UBR1: variants seen among roughly 807,000 people sequenced by gnomAD.
UBR1 encodes the protein ubiquitin protein ligase E3 component n-recognin 1.
UBR1 carries 102 observed loss-of-function variants against 242.1 expected under a neutral mutation model. The observed-to-expected ratio is 0.42, with a 90% CI of 0.36 to 0.50. The LOEUF (loss-of-function observed/expected upper bound fraction) is 0.50. UBR1 is among the 20% of genes least tolerant of loss of function. The pLI, the probability that UBR1 is intolerant of heterozygous loss-of-function variation, is 0.01. For missense variants in UBR1, 1,772 were observed against 2,101.8 expected, an observed-to-expected ratio of 0.84 and a Z score of 3.07; for synonymous variants, 675 against 684.8, an observed-to-expected ratio of 0.99 and a Z score of 0.22.
intron 6 of UBR1, among the ~76,000 whole-genome samples, chr15:43,061,534 TATACAC>T (rs2033685393): frequency 6.7e-6 from 1 of 150,072 alleles, no homozygotes; most frequent in African/African-American, 2.5e-5. Context: ...CACACACACA[TATACAC>T]ATACACATAC....
At chr15:42,953,939 G>A (rs897747199) in intron 44 of UBR1, among the ~76,000 whole-genome samples, 1 of 148,638 alleles carries the variant, frequency 6.7e-6, no homozygotes, top group Non-Finnish European at 1.5e-5. Flanking sequence ...CTGAAGTCCA[G>A]TGTCACAGTC....
At chr15:43,011,137 G>A (rs1422456252) in intron 29 of UBR1, among the ~76,000 whole-genome samples, 1 of 150,982 alleles carries the variant, frequency 6.6e-6, no homozygotes, top group Non-Finnish European at 1.5e-5. Context: ...TGCCTGTGAA[G>A]AGCCACTGCA....
chr15:43,050,554 T>A (rs1277744377), intron 12 of UBR1, among the ~76,000 whole-genome samples: 1 of 151,718 alleles, frequency 6.6e-6, no homozygotes. Context: ...CACTAAAATA[T>A]CTCCACTAAA....
At chr15:43,094,019 C>T (rs1046557986) in intron 1 of UBR1, among the ~76,000 whole-genome samples, 2 of 152,094 alleles carry the variant, frequency 1.3e-5, no homozygotes, top group African/African-American at 2.4e-5. Context: ...GCCCTAAAGA[C>T]ATGGTATCCT....
intron 2 of UBR1, among the ~76,000 whole-genome samples, chr15:43,085,652 G>C (rs1232588698): frequency 6.6e-6 from 1 of 152,176 alleles, no homozygotes; most frequent in African/African-American, 2.4e-5. Flanking sequence ...GTGAGGCTGA[G>C]GCATGTGGAT....
intron 30 of UBR1, among the ~76,000 whole-genome samples, chr15:43,006,858 T>G (rs192851365): frequency 6.6e-6 from 1 of 151,570 alleles, no homozygotes; most frequent in Non-Finnish European, 1.5e-5. Context: ...GGATCCTAAG[T>G]GAAAAAAAAA....
chr15:43,105,908 G>C (rs772172046), intron 1 of UBR1, 34 bp downstream of exon 1: 23 of 1,602,102 alleles, frequency 1.4e-5, no homozygotes, highest in East Asian at 2.2e-5. Flanking sequence ...GGGACCGGGG[G>C]GAGGACAAAA....
At chr15:42,964,575 T>C (rs2032075523) in intron 41 of UBR1, among the ~76,000 whole-genome samples, 1 of 152,196 alleles carries the variant, frequency 6.6e-6, no homozygotes, top group Non-Finnish European at 1.5e-5. Flanking sequence ...CCTGATCGGA[T>C]GGCTCTAATG....
chr15:43,082,347 A>C (rs907178541), intron 3 of UBR1, among the ~76,000 whole-genome samples: 1 of 152,198 alleles, frequency 6.6e-6, no homozygotes, highest in Non-Finnish European at 1.5e-5. Context: ...AAAGAGCTCA[A>C]AATTTTGTTT....
At chr15:42,990,008 T>G (rs1424498570) in intron 34 of UBR1, 22 bp downstream of exon 34, 1 of 1,558,936 alleles carries the variant, frequency 6.4e-7, no homozygotes, top group Non-Finnish European at 8.8e-7. Flanking sequence ...TACAAAGTTC[T>G]CTTAACTATT....
chr15:43,048,639 T>A lies in UBR1; in HGVS notation c.1440-148A>T, dbSNP rs377756859. On this transcript the variant is annotated intron_variant, in intron 12 of 46. Coordinates refer to ENST00000290650, the MANE Select transcript of UBR1 (RefSeq NM_174916.3). ...GAAGCTCTGAGTAGAGCTAGAATTATTTATTCTGCCTTATTTTAAATACAA... is the reference window on the plus strand; with the variant it reads ...GAAGCTCTGAGTAGAGCTAGAATTAATTATTCTGCCTTATTTTAAATACAA... 7.3e-4 allele frequency: 487 copies of A among 668,716 alleles called. 5 individuals are homozygous for A. In the African/African-American group the frequency reaches 8.1e-3, roughly 11 times the overall value. 41.4% of individuals were successfully genotyped at this position (668,716 alleles called of 1,614,324 possible). A position where few individuals can be genotyped will look rare whatever the true frequency, so the allele number is the denominator to read the frequency against.
intron 35 of UBR1, 44 bp from the exon 36 acceptor site, chr15:42,984,986 G>T: frequency 1.5e-6 from 2 of 1,367,728 alleles, no homozygotes; most frequent in Non-Finnish European, 2.1e-6. Flanking sequence ...CCTGAATAGT[G>T]CTATAATCAT....
In UBR1 at chr15:43,070,939, G is replaced by A. The variant is rs965055566; in HGVS notation, c.529-14C>T. ...ACAGCGTGAATTCTATAAAAAAGCC[G>A]AGAAAAACATACTAGTCAAGATTGT... On this transcript the variant is annotated splice_polypyrimidine_tract_variant and intron_variant, in intron 4 of 46. Transcript: ENST00000290650. 2.1e-5 allele frequency: 34 copies of A among 1,611,888 alleles called. No individual in the cohort carries two copies. The highest frequency in any genetic ancestry group is 1.1e-4 in the South Asian group (10 of 91,060).
At position 42,946,421 on chromosome 15, in the gene UBR1, C is replaced by T. The variant is rs115996556; in HGVS notation, c.5109-951G>A. Among the ~76,000 whole-genome samples the T allele has an allele frequency of 8.6e-3, 1,304 of 152,274 alleles. 21 individuals are homozygous for T. Among genetic ancestry groups the T allele is most frequent in the African/African-American group, 0.03 (1,249 of 41,562 alleles). On this transcript the variant is annotated intron_variant, in intron 46 of 46. Coordinates refer to ENST00000290650, the MANE Select transcript of UBR1 (RefSeq NM_174916.3). Reference sequence around the variant, plus strand: ...GATTACAGGCGTGAACCACCGCGGCCGCCTGGTTGGGGATTTTTAAACTGC... The same window carrying T: ...GATTACAGGCGTGAACCACCGCGGCTGCCTGGTTGGGGATTTTTAAACTGC...
In UBR1 at chr15:42,945,170, G is replaced by T; in HGVS notation, c.*159C>A. ...TGAAGCATATGTTTGCTAATTGAAA[G>T]CAATACTCCATTAAGAAATATTTTA... On this transcript the variant is annotated 3_prime_UTR_variant, in exon 47 of 47. Transcript: ENST00000290650. 1.1e-6 allele frequency: 1 copy of T among 936,268 alleles called. No individual in the cohort carries two copies. The highest frequency in any genetic ancestry group is 1.6e-6 in the Non-Finnish European group (1 of 609,414). 58.0% of individuals were successfully genotyped at this position (936,268 alleles called of 1,614,324 possible). A position where few individuals can be genotyped will look rare whatever the true frequency, so the allele number is the denominator to read the frequency against.
chr15:42,976,691 A>C (rs775349476), intron 39 of UBR1, 26 bp downstream of exon 39: 1 of 1,613,736 alleles, frequency 6.2e-7, no homozygotes, highest in South Asian at 1.1e-5. Context: ...TGTTATTCAC[A>C]GTCAACACCC....
intron 44 of UBR1, 68 bp from the exon 45 acceptor site, chr15:42,952,516 C>T (rs2031851855): frequency 1.2e-5 from 18 of 1,550,902 alleles, no homozygotes; most frequent in Non-Finnish European, 1.6e-5. Context: ...TACCATATAT[C>T]CTGTTAGCAA....
At chr15:43,051,150 T>C (rs897063207) in intron 12 of UBR1, among the ~76,000 whole-genome samples, 1 of 152,160 alleles carries the variant, frequency 6.6e-6, no homozygotes, top group African/African-American at 2.4e-5. Flanking sequence ...GCATTCACAA[T>C]AGCAAAGGCA....
chr15:43,010,035 C>T (rs1401541727), intron 29 of UBR1, among the ~76,000 whole-genome samples: 2 of 152,154 alleles, frequency 1.3e-5, no homozygotes, highest in East Asian at 3.9e-4. Flanking sequence ...CCATGCCCAG[C>T]TAATTTTTTT....
Sources: gnomAD v4.1 joint callset for allele counts (sites outside exome capture counted in the v4.1 genomes callset) on GRCh38, gnomAD v4.1.1 for gene constraint, MANE v1.5 for transcripts, NCBI Gene and HGNC (gene_info 2026-07-23, HGNC 2026-07-21) for gene names.